Variants in DLGAP1 observed in about 807,000 individuals in gnomAD.
DLGAP1 encodes DLG associated protein 1.
DLGAP1 carries 11 observed loss-of-function variants against 90.8 expected under a neutral mutation model. That is an observed-to-expected ratio of 0.12 (90% confidence interval 0.08 to 0.20). The LOEUF is 0.20. Ranked by LOEUF, DLGAP1 falls within the 10% of genes least tolerant of loss-of-function variation. The pLI is 1.00. For missense variants in DLGAP1, 1,050 were observed against 1,333.8 expected (o/e 0.79, Z 3.31); for synonymous variants, 558 against 540.7 (o/e 1.03, Z -0.44).
At chr18:3,637,574 C>CAAAAAA (rs35620201) in intron 7 of DLGAP1, among the ~76,000 whole-genome samples, 1 of 94,956 alleles carries the variant, frequency 1.1e-5, no homozygotes, top group Non-Finnish European at 2.2e-5. Context: ...TCTCCCCCAC[C>CAAAAAA]AAAAAAAAAA....
At chr18:4,008,904 G>A (rs1298479540) in intron 2 of DLGAP1, among the ~76,000 whole-genome samples, 1 of 152,158 alleles carries the variant, frequency 6.6e-6, no homozygotes, top group Non-Finnish European at 1.5e-5. Context: ...CAGCCACCGA[G>A]TCTCTCTCTT....
intron 9 of DLGAP1, among the ~76,000 whole-genome samples, chr18:3,547,227 C>CG (rs1487926628): frequency 1.4e-5 from 2 of 141,042 alleles, no homozygotes; most frequent in Non-Finnish European, 3.0e-5. Context: ...CTTGAACCCC[C>CG]GGGGGCGGAG....
At chr18:3,955,178 T>C (rs1344754561) in intron 3 of DLGAP1, among the ~76,000 whole-genome samples, 1 of 152,116 alleles carries the variant, frequency 6.6e-6, no homozygotes, top group Non-Finnish European at 1.5e-5. Flanking sequence ...TCAGAGTTTA[T>C]GGGGCAATGG....
chr18:3,834,438 G>A (rs1457886411), intron 4 of DLGAP1, among the ~76,000 whole-genome samples: 1 of 151,278 alleles, frequency 6.6e-6, no homozygotes, highest in African/African-American at 2.4e-5. Flanking sequence ...TCTTTAACAT[G>A]TGATGTTAAT....
chr18:4,195,178 C>G (rs1018108897), intron 1 of DLGAP1, among the ~76,000 whole-genome samples: 6 of 152,128 alleles, frequency 3.9e-5, no homozygotes, highest in Admixed American at 2.0e-4. Flanking sequence ...TCTACATGAA[C>G]TCTAGAAAAT....
chr18:3,730,618 A>G (rs925695974), intron 6 of DLGAP1, among the ~76,000 whole-genome samples: 1 of 152,090 alleles, frequency 6.6e-6, no homozygotes, highest in Non-Finnish European at 1.5e-5. Flanking sequence ...TTAAACTACA[A>G]TTACGTTTTG....
chr18:3,928,956 C>T (rs978043960), intron 3 of DLGAP1, among the ~76,000 whole-genome samples: 5 of 152,068 alleles, frequency 3.3e-5, no homozygotes, highest in East Asian at 1.9e-4. Context: ...AGTGCTGTCT[C>T]GTGATTGAGT....
intron 5 of DLGAP1, among the ~76,000 whole-genome samples, chr18:3,743,920 G>A (rs1598557584): frequency 6.6e-6 from 1 of 152,330 alleles, no homozygotes; most frequent in South Asian, 2.1e-4. Context: ...AAAGTGTTGG[G>A]ATTAAAGGCA....
intron 2 of DLGAP1, among the ~76,000 whole-genome samples, chr18:4,033,823 T>G (rs934844186): frequency 6.7e-6 from 1 of 149,348 alleles, no homozygotes; most frequent in South Asian, 2.1e-4. Flanking sequence ...CACTGCAACC[T>G]CTGCCTCCCG....
chr18:3,744,531 T>TA (rs2063187569), intron 5 of DLGAP1, among the ~76,000 whole-genome samples: 1 of 152,192 alleles, frequency 6.6e-6, no homozygotes, highest in Admixed American at 6.5e-5. Flanking sequence ...AAATTTAACG[T>TA]AATTGCGACA....
chr18:3,832,146 C>T (rs1237917079), intron 4 of DLGAP1, among the ~76,000 whole-genome samples: 2 of 152,196 alleles, frequency 1.3e-5, no homozygotes, highest in Non-Finnish European at 2.9e-5. Flanking sequence ...TGCATGCACA[C>T]TCCATTATTC....
intron 1 of DLGAP1, among the ~76,000 whole-genome samples, chr18:4,336,481 C>T (rs1441838011): frequency 6.6e-6 from 1 of 152,196 alleles, no homozygotes; most frequent in Admixed American, 6.5e-5. Context: ...AAGATGCTGG[C>T]AGCTAAGGAG....
At chr18:4,184,601 A>G (rs2077261096) in intron 1 of DLGAP1, among the ~76,000 whole-genome samples, 1 of 152,140 alleles carries the variant, frequency 6.6e-6, no homozygotes, top group African/African-American at 2.4e-5. Flanking sequence ...ATAAGCCTAT[A>G]TAGAGAGTAA....
At chr18:4,355,091 C>T (rs2081480354) in intron 1 of DLGAP1, among the ~76,000 whole-genome samples, 2 of 152,068 alleles carry the variant, frequency 1.3e-5, no homozygotes, top group African/African-American at 4.8e-5. Context: ...ACTAAACATA[C>T]TCTTGACATA....
intron 2 of DLGAP1, among the ~76,000 whole-genome samples, chr18:4,022,257 T>G (rs149658843): frequency 6.6e-6 from 1 of 152,006 alleles, no homozygotes; most frequent in Non-Finnish European, 1.5e-5. Flanking sequence ...CACAGAATGC[T>G]TCTATTTTGT....
At chr18:3,506,137 C>CTGAGGCAGGAGAATAGCT (rs2050202235) in intron 11 of DLGAP1, among the ~76,000 whole-genome samples, 3 of 151,570 alleles carry the variant, frequency 2.0e-5, no homozygotes, top group Admixed American at 2.0e-4. Context: ...ACTTGGGAGG[C>CTGAGGCAGGAGAATAGCT]TGAGGCAGGA....
intron 3 of DLGAP1, among the ~76,000 whole-genome samples, chr18:4,003,336 T>C (rs1412915791): frequency 2.6e-5 from 4 of 151,752 alleles, no homozygotes; most frequent in Non-Finnish European, 5.9e-5. Flanking sequence ...AGTGACTGAC[T>C]GAGATTTAAG....
intron 3 of DLGAP1, among the ~76,000 whole-genome samples, chr18:3,883,801 G>T (rs777723895): frequency 6.6e-6 from 1 of 152,156 alleles, no homozygotes; most frequent in Non-Finnish European, 1.5e-5. Context: ...TCAGAGCAAG[G>T]CAGGAAGCAG....
chr18:3,578,258 A>G (rs970536361), intron 8 of DLGAP1, among the ~76,000 whole-genome samples: 2 of 152,214 alleles, frequency 1.3e-5, no homozygotes, highest in African/African-American at 2.4e-5. Context: ...TAAGAGAGAA[A>G]GCATGGAAGG....
Sources: gnomAD v4.1 joint callset for allele counts (sites outside exome capture counted in the v4.1 genomes callset) on GRCh38, gnomAD v4.1.1 for gene constraint, MANE v1.5 for transcripts, NCBI Gene and HGNC (gene_info 2026-07-23, HGNC 2026-07-21) for gene names.